IQSEC1: variants seen among roughly 807,000 people sequenced by gnomAD.
IQSEC1 encodes the protein IQ motif and Sec7 domain ArfGEF 1.
IQSEC1 carries 31 observed loss-of-function variants against 91.0 expected under a neutral mutation model. The observed-to-expected ratio is 0.34, with a 90% confidence interval of 0.26 to 0.46. The LOEUF is 0.46. Among genes scored for constraint, IQSEC1 ranks in the 20% least tolerant of loss-of-function variants. The pLI is 1.00. For missense variants in IQSEC1, 1,388 were observed against 1,575.6 expected (o/e 0.88, Z 2.02); for synonymous variants, 699 against 662.6 (o/e 1.05, Z -0.84).
rs565976353 is a variant in IQSEC1, at chr3:13,109,825, G to A, written c.302+54279C>T. Among the ~76,000 whole-genome samples the A allele has an allele frequency of 8.6e-5, 13 of 151,430 alleles. No individual in the cohort carries two copies. The East Asian group carries it at 2.3e-3, about 27-fold the overall frequency. On this transcript the variant is annotated intron_variant, in intron 2 of 15. Coordinates refer to the IQSEC1 transcript ENST00000648114. ...TTTTTAAATAAATTACCCAGTCTCA[G>A]GAATTTCTTTATAGCGGTGCAAGAA...
intron 12 of IQSEC1, among the ~76,000 whole-genome samples, chr3:12,904,766 T>C (rs1430679510): frequency 6.6e-6 from 1 of 152,158 alleles, no homozygotes; most frequent in Non-Finnish European, 1.5e-5. Context: ...AGAGGGGAGA[T>C]GGCCTCCCCG....
upstream of IQSEC1, among the ~76,000 whole-genome samples, chr3:13,076,545 A>T (rs1368372891): frequency 6.6e-6 from 1 of 152,192 alleles, no homozygotes; most frequent in Non-Finnish European, 1.5e-5. Flanking sequence ...AGGTTGGAGC[A>T]TGCAGTCCAC....
intron 1 of IQSEC1, among the ~76,000 whole-genome samples, chr3:12,961,111 C>T (rs191720980): frequency 6.6e-6 from 1 of 152,254 alleles, no homozygotes; most frequent in African/African-American, 2.4e-5. Context: ...AAGGCCACTG[C>T]CCCTGAGGCC....
chr3:13,105,160 A>G (rs1022619577), intron 2 of IQSEC1, among the ~76,000 whole-genome samples: 5 of 152,168 alleles, frequency 3.3e-5, no homozygotes, highest in African/African-American at 1.2e-4. Flanking sequence ...TGAGCCCACA[A>G]GGAACCTCTA....
rs1380211691 is a variant in IQSEC1 at position 13,214,757 on chromosome 3, T to C, written c.273-50624A>G. On this transcript the variant is annotated intron_variant, in intron 1 of 15. Coordinates refer to the IQSEC1 transcript ENST00000648114. This position sits in a 1 kb window ranked among gnomAD's most constrained non-coding sequence, Gnocchi z 4.5. Reference sequence around the variant, plus strand: ...CTCAGCTGGGCACCATGCCTGACCATGCAGCTGGTTTTCTGACCTTCCAGA... The same window carrying C: ...CTCAGCTGGGCACCATGCCTGACCACGCAGCTGGTTTTCTGACCTTCCAGA... Among the ~76,000 whole-genome samples, 2 of 152,222 alleles carry C rather than the reference T, an allele frequency of 1.3e-5. No individual in the cohort carries two copies. The highest frequency in any genetic ancestry group is 2.9e-5 in the Non-Finnish European group (2 of 68,034).
Position 13,101,044 on chromosome 3 carries a change from G to A in IQSEC1, c.303-53522C>T, listed in dbSNP as rs1283192871. Reference sequence around the variant, plus strand: ...GTGTCTGAAGAGCTGCAAGGGGGCCGAGAGGCTGGGAGGGACTGAGCTGGG... The same window carrying A: ...GTGTCTGAAGAGCTGCAAGGGGGCCAAGAGGCTGGGAGGGACTGAGCTGGG... On this transcript the variant is annotated intron_variant, in intron 2 of 15. Transcript: ENST00000648114. Among the ~76,000 whole-genome samples the A allele has an allele frequency of 1.1e-4, 13 of 122,524 alleles. No homozygotes were observed. The East Asian group carries it at 1.7e-3, about 16-fold the overall frequency. 80.4% of individuals were successfully genotyped at this position (122,524 alleles called of 152,430 possible).
intron 1 of IQSEC1, among the ~76,000 whole-genome samples, chr3:12,943,783 C>T (rs1202815951): frequency 2.6e-5 from 4 of 152,240 alleles, no homozygotes; most frequent in African/African-American, 4.8e-5. Context: ...CCCCAGCAGG[C>T]GGCCTGGAGC....
intron 13 of IQSEC1, among the ~76,000 whole-genome samples, chr3:12,901,913 T>C (rs1249820202): frequency 6.6e-6 from 1 of 152,050 alleles, no homozygotes; most frequent in Admixed American, 6.6e-5. Flanking sequence ...CTGATGTGCC[T>C]GGAGGAGGAG....
chr3:13,168,282 A>C (rs1693535927), intron 1 of IQSEC1, among the ~76,000 whole-genome samples: 1 of 152,252 alleles, frequency 6.6e-6, no homozygotes, highest in Non-Finnish European at 1.5e-5. Flanking sequence ...GAAAAGCGTA[A>C]GAAAAACAAG....
intron 1 of IQSEC1, among the ~76,000 whole-genome samples, chr3:12,971,148 G>A (rs928446177): frequency 1.3e-5 from 2 of 152,202 alleles, no homozygotes; most frequent in Non-Finnish European, 2.9e-5. Flanking sequence ...CGCACATGCA[G>A]CCCTTCTCTG....
At chr3:12,907,701 T>C (rs1345065755) in intron 12 of IQSEC1, among the ~76,000 whole-genome samples, 1 of 152,206 alleles carries the variant, frequency 6.6e-6, no homozygotes, top group African/African-American at 2.4e-5. Context: ...CTCCCAGGAA[T>C]GTAGGCAGTT....
chr3:12,923,910 G>A (rs1047992724), intron 4 of IQSEC1, among the ~76,000 whole-genome samples: 1 of 152,226 alleles, frequency 6.6e-6, no homozygotes, highest in African/African-American at 2.4e-5. Flanking sequence ...CAGGGAGTTG[G>A]GAACCCATTT....
At position 13,266,582 on chromosome 3, in the gene IQSEC1, T is replaced by C. The variant is rs1390896591; in HGVS notation, c.272+16129A>G. Among the ~76,000 whole-genome samples the C allele has an allele frequency of 4.4e-5, 6 of 134,968 alleles. No homozygotes were observed. In the East Asian group the frequency reaches 1.2e-3, roughly 28 times the overall value. 88.5% of individuals were successfully genotyped at this position (134,968 alleles called of 152,430 possible). A position where few individuals can be genotyped will look rare whatever the true frequency, so the allele number is the denominator to read the frequency against. On this transcript the variant is annotated intron_variant, in intron 1 of 15. Coordinates refer to the IQSEC1 transcript ENST00000648114. Reference sequence around the variant, plus strand: ...GCTCCGATGATGGGGAGGAAGCAGCTTTTTTTTTTTTTCAATAAAATCAAG... The same window carrying C: ...GCTCCGATGATGGGGAGGAAGCAGCCTTTTTTTTTTTTCAATAAAATCAAG...
At chr3:12,906,864 C>T (rs767969007) in intron 12 of IQSEC1, among the ~76,000 whole-genome samples, 2 of 152,140 alleles carry the variant, frequency 1.3e-5, no homozygotes, top group Non-Finnish European at 2.9e-5. Context: ...CAAACTCAAA[C>T]GGAGGCTCTA....
chr3:13,163,863 A>C (rs897649755), intron 2 of IQSEC1, among the ~76,000 whole-genome samples: 2 of 152,146 alleles, frequency 1.3e-5, no homozygotes, highest in Non-Finnish European at 2.9e-5. Flanking sequence ...TGATCTCTGC[A>C]GAGGTCACTC....
intron 1 of IQSEC1, among the ~76,000 whole-genome samples, chr3:13,233,789 G>C (rs1051920895): frequency 2.6e-5 from 4 of 152,170 alleles, no homozygotes; most frequent in African/African-American, 9.7e-5. Flanking sequence ...AGGGCTCCCG[G>C]CAGGCTCCTG....
chr3:13,035,789 C>T lies in IQSEC1; in HGVS notation c.23+37203G>A, dbSNP rs367649467. On this transcript the variant is annotated intron_variant, in intron 1 of 13. Coordinates refer to ENST00000613206, the MANE Select transcript of IQSEC1 (RefSeq NM_001134382.3). ...TGTGACTGTCCTGGTGAAGATCATG[C>T]CATAGAAGCGATGCTGTGTGTCTTC... Among the ~76,000 whole-genome samples the T allele has an allele frequency of 3.5e-4, 53 of 152,288 alleles. 2 individuals carry two copies. The South Asian group carries it at 8.1e-3, about 23-fold the overall frequency.
intron 1 of IQSEC1, among the ~76,000 whole-genome samples, chr3:13,276,786 C>A (rs552194900): frequency 2.6e-4 from 40 of 152,298 alleles, no homozygotes; most frequent in African/African-American, 9.1e-4. Flanking sequence ...GCTGGAATAT[C>A]CACCCCTCGG....
chr3:13,038,258 GTGTGTATATA>G (rs1390937446), intron 1 of IQSEC1, among the ~76,000 whole-genome samples: 6 of 51,382 alleles, frequency 1.2e-4, no homozygotes, highest in African/African-American at 4.1e-4. Flanking sequence ...ATGTGTGTGT[GTGTGTATATA>G]TATATATATA....
Sources: gnomAD v4.1 joint callset for allele counts (sites outside exome capture counted in the v4.1 genomes callset) on GRCh38, gnomAD v4.1.1 for gene constraint, Gnocchi (gnomAD v3.1) non-coding constraint, MANE v1.5 for transcripts, NCBI Gene and HGNC (gene_info 2026-07-23, HGNC 2026-07-21) for gene names.